The following EYS variants were observed in gnomAD, a reference collection of about 807,000 sequenced individuals.
EYS encodes EGF-like photoreceptor maintenance factor, also known as protein eyes shut homolog.
A neutral mutation model predicts 282.1 loss-of-function variants in EYS; 250 were observed. The observed-to-expected ratio is 0.89, with a 90% confidence interval of 0.80 to 0.98. EYS has a LOEUF of 0.98. Ranked by LOEUF, EYS falls within the 50% of genes least tolerant of loss-of-function variation. The pLI, the probability that EYS is intolerant of heterozygous loss-of-function variation, is 0.00. For missense variants in EYS, 4,016 were observed against 3,709.0 expected (o/e 1.08, Z -2.15); for synonymous variants, 1,355 against 1,282.9 (o/e 1.06, Z -1.20).
chr6:63,966,061 T>A (rs1056710241), intron 35 of EYS, among the ~76,000 whole-genome samples: 2 of 152,122 alleles, frequency 1.3e-5, no homozygotes, highest in Non-Finnish European at 2.9e-5. Flanking sequence ...ACTAATGAGA[T>A]AATTAAAGAA....
chr6:64,076,611 T>TGGCTGTCATTCTCTCTCTTGCC (rs1771779225), intron 32 of EYS, among the ~76,000 whole-genome samples: 1 of 151,896 alleles, frequency 6.6e-6, no homozygotes, highest in Admixed American at 6.6e-5. Context: ...CCCTTTTGCT[T>TGGCTGTCATTCTCTCTCTTGCC]GGCTGTCATT....
At chr6:64,982,193 C>A (rs985791310) in intron 14 of EYS, among the ~76,000 whole-genome samples, 5 of 151,112 alleles carry the variant, frequency 3.3e-5, no homozygotes, top group Admixed American at 2.6e-4. Flanking sequence ...TGCATGGTAC[C>A]TTTTTCATGT....
At chr6:64,180,238 C>T (rs1764750769) in intron 31 of EYS, among the ~76,000 whole-genome samples, 2 of 151,980 alleles carry the variant, frequency 1.3e-5, no homozygotes, top group African/African-American at 4.8e-5. Context: ...ACAAGATATC[C>T]CAGAGTTTAA....
chr6:65,117,821 A>G (rs9453189), intron 12 of EYS, among the ~76,000 whole-genome samples: 39,862 of 152,130 alleles, frequency 0.26, 6,418 homozygotes, highest in African/African-American at 0.45. Context: ...CTAGGCACTG[A>G]TAGATGTCCT....
chr6:63,979,302 C>T (rs1048602111), intron 35 of EYS, among the ~76,000 whole-genome samples: 3 of 151,824 alleles, frequency 2.0e-5, no homozygotes, highest in Admixed American at 1.3e-4. Context: ...TGCTATCTGG[C>T]CCATTACAGA....
intron 24 of EYS, among the ~76,000 whole-genome samples, chr6:64,594,851 T>C (rs1408051185): frequency 6.6e-6 from 1 of 151,332 alleles, no homozygotes; most frequent in Non-Finnish European, 1.5e-5. Context: ...AATAATAAAA[T>C]TTAAAAAATT....
chr6:64,855,187 T>C (rs1453460120), intron 19 of EYS, among the ~76,000 whole-genome samples: 1 of 152,140 alleles, frequency 6.6e-6, no homozygotes, highest in Non-Finnish European at 1.5e-5. Flanking sequence ...TATGTGTGTG[T>C]GTGTTGTACT....
At chr6:64,100,707 G>A (rs28444331) in intron 31 of EYS, among the ~76,000 whole-genome samples, 1 of 152,052 alleles carries the variant, frequency 6.6e-6, no homozygotes, top group Admixed American at 6.6e-5. Flanking sequence ...TTCTAGTTGA[G>A]AATTTCTTCA....
intron 5 of EYS, among the ~76,000 whole-genome samples, chr6:65,440,878 T>G (rs1240706496): frequency 1.4e-5 from 2 of 147,012 alleles, no homozygotes; most frequent in East Asian, 3.9e-4. Context: ...TATTATATAT[T>G]TATATTATAT....
At chr6:64,132,125 T>C (rs1773999085) in intron 31 of EYS, among the ~76,000 whole-genome samples, 1 of 152,138 alleles carries the variant, frequency 6.6e-6, no homozygotes, top group African/African-American at 2.4e-5. Context: ...TGTTTTATTG[T>C]ATAAGACTAA....
intron 11 of EYS, among the ~76,000 whole-genome samples, chr6:65,299,182 A>T (rs1224772521): frequency 6.6e-6 from 1 of 152,136 alleles, no homozygotes; most frequent in Non-Finnish European, 1.5e-5. Flanking sequence ...AGTCTGATTA[A>T]AAAATCTGTC....
chr6:64,006,549 C>T (rs1373739096), intron 33 of EYS, among the ~76,000 whole-genome samples: 1 of 152,152 alleles, frequency 6.6e-6, no homozygotes. Context: ...TAAGAGTGGA[C>T]ATCCTTTTCT....
At chr6:65,472,051 CAG>C (rs1161406702) in intron 5 of EYS, among the ~76,000 whole-genome samples, 2 of 152,070 alleles carry the variant, frequency 1.3e-5, no homozygotes, top group Non-Finnish European at 2.9e-5. Flanking sequence ...CCTGAATAAA[CAG>C]TACATTTTTT....
intron 5 of EYS, among the ~76,000 whole-genome samples, chr6:65,424,132 C>A (rs773348604): frequency 6.6e-6 from 1 of 151,934 alleles, no homozygotes; most frequent in East Asian, 1.9e-4. Context: ...CCAAAGACTG[C>A]CAACATTTTT....
intron 11 of EYS, among the ~76,000 whole-genome samples, chr6:65,333,029 G>GT (rs1769851993): frequency 3.3e-5 from 5 of 150,718 alleles, no homozygotes; most frequent in Admixed American, 3.3e-4. Flanking sequence ...ATGAAATTTT[G>GT]TTTTTTGATA....
intron 9 of EYS, among the ~76,000 whole-genome samples, chr6:65,348,692 T>C (rs1193245178): frequency 2.0e-5 from 3 of 151,768 alleles, no homozygotes; most frequent in Non-Finnish European, 1.5e-5. Context: ...TTGTTTCCTT[T>C]CTTCTACAGA....
At chr6:65,515,624 C>T (rs983286527) in intron 2 of EYS, among the ~76,000 whole-genome samples, 9 of 151,732 alleles carry the variant, frequency 5.9e-5, no homozygotes, top group East Asian at 1.9e-4. Flanking sequence ...AAAAATGATG[C>T]GTTCATGTCC....
chr6:63,940,496 G>A (rs1354448847), intron 35 of EYS, among the ~76,000 whole-genome samples: 1 of 152,136 alleles, frequency 6.6e-6, no homozygotes, highest in Non-Finnish European at 1.5e-5. Flanking sequence ...TAAAGCAAAA[G>A]GAAGGTGATG....
intron 36 of EYS, among the ~76,000 whole-genome samples, chr6:63,847,186 T>C (rs549056018): frequency 2.0e-5 from 3 of 152,318 alleles, no homozygotes; most frequent in African/African-American, 7.2e-5. Context: ...CTTGATTATA[T>C]AAGACCACTT....
Sources: allele counts gnomAD v4.1 joint callset (sites outside exome capture counted in the v4.1 genomes callset), GRCh38; gene constraint gnomAD v4.1.1; transcripts MANE v1.5; gene names NCBI Gene and HGNC (gene_info 2026-07-23, HGNC 2026-07-21).